The following KCNIP4 variants were observed in gnomAD, a reference collection of about 807,000 sequenced individuals.
KCNIP4 encodes the protein potassium voltage-gated channel interacting protein 4.
In KCNIP4, 12 loss-of-function variants were observed where a neutral mutation model predicts 34.0. That is an observed-to-expected ratio of 0.35 (90% CI 0.23 to 0.57). KCNIP4 has a LOEUF of 0.57. Ranked by LOEUF, KCNIP4 falls within the 20% of genes least tolerant of loss-of-function variation. KCNIP4 has a pLI of 0.83. For synonymous variants in KCNIP4, 124 were observed against 102.2 expected, an observed-to-expected ratio of 1.21 and a Z score of -1.29; for missense variants, 238 against 311.7, an observed-to-expected ratio of 0.76 and a Z score of 1.78.
At chr4:21,535,676 T>C (rs898821415) in intron 1 of KCNIP4, among the ~76,000 whole-genome samples, 7 of 152,336 alleles carry the variant, frequency 4.6e-5, no homozygotes, top group African/African-American at 1.7e-4. Flanking sequence ...AATCCTGCGT[T>C]TTAAAAACAT....
chr4:21,739,634 A>C (rs1320168006), intron 1 of KCNIP4, among the ~76,000 whole-genome samples: 1 of 152,052 alleles, frequency 6.6e-6, no homozygotes, highest in Non-Finnish European at 1.5e-5. Flanking sequence ...ACTTTCAAGA[A>C]ATAAATGAAT....
chr4:20,774,143 T>C (rs1578586319), intron 3 of KCNIP4, among the ~76,000 whole-genome samples: 1 of 152,092 alleles, frequency 6.6e-6, no homozygotes, highest in African/African-American at 2.4e-5. Context: ...CGTGCCTGGA[T>C]GTATAAACAC....
At chr4:21,277,579 T>A (rs907482710) in intron 1 of KCNIP4, among the ~76,000 whole-genome samples, 1 of 151,900 alleles carries the variant, frequency 6.6e-6, no homozygotes. Context: ...TAAGGAAGAG[T>A]AAAAATAAAT....
chr4:21,754,015 C>T (rs1172585484), intron 1 of KCNIP4, among the ~76,000 whole-genome samples: 1 of 152,140 alleles, frequency 6.6e-6, no homozygotes, highest in Non-Finnish European at 1.5e-5. Flanking sequence ...GCTTGTGATG[C>T]ACCAACGAAT....
chr4:21,105,948 A>G (rs1402617043), intron 1 of KCNIP4, among the ~76,000 whole-genome samples: 1 of 151,376 alleles, frequency 6.6e-6, no homozygotes, highest in Non-Finnish European at 1.5e-5. Flanking sequence ...GATGAAGCCC[A>G]CTTGATCATG....
chr4:20,846,016 A>G (rs1024680077), intron 3 of KCNIP4, among the ~76,000 whole-genome samples: 1 of 152,198 alleles, frequency 6.6e-6, no homozygotes, highest in Non-Finnish European at 1.5e-5. Flanking sequence ...TCCATTTAGT[A>G]TTTGGCAAAT....
intron 1 of KCNIP4, among the ~76,000 whole-genome samples, chr4:21,191,448 C>T (rs1755640664): frequency 6.6e-6 from 1 of 152,166 alleles, no homozygotes; most frequent in Non-Finnish European, 1.5e-5. Flanking sequence ...TATGCTACAA[C>T]AAAACCGCAC....
At chr4:21,795,043 C>CG (rs967655981) in intron 1 of KCNIP4, among the ~76,000 whole-genome samples, 1 of 152,106 alleles carries the variant, frequency 6.6e-6, no homozygotes, top group African/African-American at 2.4e-5. Context: ...CAGTTCCCCC[C>CG]AAATTCAAAG....
rs554924120 is a variant in KCNIP4, at chr4:21,219,147, C to T, written c.62-336438G>A. Among the ~76,000 whole-genome samples, 12 of 152,260 alleles carry T rather than the reference C, an allele frequency of 7.9e-5. No individual in the cohort carries two copies. In the South Asian group the frequency reaches 8.3e-4, roughly 11 times the overall value. ...CAACCCAGCAAACCCAGCAGCCCTG[C>T]GTTCTGGAAACAAGCTCTGTGGCTG... On this transcript the variant is annotated intron_variant, in intron 1 of 8. Coordinates refer to ENST00000382152, the MANE Select transcript of KCNIP4 (RefSeq NM_025221.6).
At chr4:20,749,130 C>T (rs1753085042) in intron 5 of KCNIP4, among the ~76,000 whole-genome samples, 2 of 148,630 alleles carry the variant, frequency 1.3e-5, no homozygotes, top group South Asian at 4.3e-4. Context: ...TGCACTCCAG[C>T]CTTTATGACA....
intron 1 of KCNIP4, among the ~76,000 whole-genome samples, chr4:21,150,628 G>T (rs1294564502): frequency 2.0e-5 from 3 of 152,182 alleles, no homozygotes; most frequent in South Asian, 2.1e-4. Flanking sequence ...GGCTCAAGTG[G>T]TTATTCCTCT....
chr4:21,080,899 A>G (rs928869152), intron 1 of KCNIP4, among the ~76,000 whole-genome samples: 3 of 151,932 alleles, frequency 2.0e-5, no homozygotes, highest in African/African-American at 7.3e-5. Context: ...TTAATAAAAC[A>G]GAAGAATGAA....
At chr4:21,529,937 C>T (rs1220937732) in intron 1 of KCNIP4, among the ~76,000 whole-genome samples, 1 of 152,080 alleles carries the variant, frequency 6.6e-6, no homozygotes, top group Non-Finnish European at 1.5e-5. Context: ...ACACAGTTCG[C>T]GAGGAACTCT....
At chr4:21,396,277 C>T (rs10002118) in intron 1 of KCNIP4, among the ~76,000 whole-genome samples, 5,067 of 151,720 alleles carry the variant, frequency 0.033, 306 homozygotes, top group African/African-American at 0.11. Context: ...GATCCTGGGC[C>T]GGGTGTGGTG....
intron 1 of KCNIP4, among the ~76,000 whole-genome samples, chr4:21,480,927 G>T (rs1293093198): frequency 6.6e-6 from 1 of 152,082 alleles, no homozygotes; most frequent in African/African-American, 2.4e-5. Context: ...ACACAGCATG[G>T]CCACTTAAAA....
At chr4:21,920,314 T>C (rs1728867004) in intron 1 of KCNIP4, among the ~76,000 whole-genome samples, 1 of 152,196 alleles carries the variant, frequency 6.6e-6, no homozygotes, top group Non-Finnish European at 1.5e-5. Flanking sequence ...TTGTCTGTAC[T>C]AAATATGTAC....
Position 21,345,233 on chromosome 4 carries a change from G to C in KCNIP4, c.62-462524C>G, listed in dbSNP as rs567136268. The stretch of plus-strand genomic sequence containing the variant: ...TGAGGATACTCCAGCAGCTTATGGA[G>C]AAGTCCATGTGGTGAGGAACTGGGG... On this transcript the variant is annotated intron_variant, in intron 1 of 8. Coordinates refer to ENST00000382152, the MANE Select transcript of KCNIP4 (RefSeq NM_025221.6). Among the ~76,000 whole-genome samples the C allele has an allele frequency of 6.6e-5, 10 of 152,244 alleles. No homozygotes were observed. In the South Asian group the frequency reaches 2.1e-3, roughly 32 times the overall value.
In KCNIP4 at chr4:20,759,059, C is replaced by T. The variant is rs570576735; in HGVS notation, c.289-169G>A. Among the ~76,000 whole-genome samples, 70 of 151,898 alleles carry T rather than the reference C, an allele frequency of 4.6e-4. No individual in the cohort carries two copies. In the South Asian group the frequency reaches 0.012, roughly 27 times the overall value. ...GCACACTATAAACTTATGTTTGTTC[C>T]AGTTCTCACAAGAAAAAAAAACGTA... On this transcript the variant is annotated intron_variant, in intron 3 of 8. Transcript: ENST00000382152.
At chr4:21,875,564 T>C (rs1263873406) in intron 1 of KCNIP4, among the ~76,000 whole-genome samples, 1 of 152,230 alleles carries the variant, frequency 6.6e-6, no homozygotes, top group African/African-American at 2.4e-5. Context: ...CAATGTCTAG[T>C]ATGCTGTAAG....
Sources: allele counts gnomAD v4.1 joint callset (sites outside exome capture counted in the v4.1 genomes callset), GRCh38; gene constraint gnomAD v4.1.1; transcripts MANE v1.5; gene names NCBI Gene and HGNC (gene_info 2026-07-23, HGNC 2026-07-21).